The following STPG2 variants were observed in gnomAD, a reference collection of about 807,000 sequenced individuals.
The protein encoded by STPG2 is sperm tail PG-rich repeat containing 2.
In STPG2, 56 loss-of-function variants were observed where a neutral mutation model predicts 54.2. The observed-to-expected ratio is 1.03, with a 90% CI of 0.83 to 1.29. STPG2 has a LOEUF of 1.29. STPG2 is among the 50% of genes most tolerant of loss of function. STPG2 has a pLI of 0.00. For missense variants in STPG2, 596 were observed against 544.9 expected, an observed-to-expected ratio of 1.09 and a Z score of -0.93; for synonymous variants, 200 against 181.8, an observed-to-expected ratio of 1.10 and a Z score of -0.81.
At chr4:97,515,879 T>A (rs888586585) in intron 4 of STPG2, among the ~76,000 whole-genome samples, 1 of 152,108 alleles carries the variant, frequency 6.6e-6, no homozygotes, top group African/African-American at 2.4e-5. Flanking sequence ...GACACCTAAA[T>A]GTTATGTCGA....
intron 9 of STPG2, among the ~76,000 whole-genome samples, chr4:97,835,955 G>C (rs1055740007): frequency 6.6e-6 from 1 of 152,024 alleles, no homozygotes; most frequent in Non-Finnish European, 1.5e-5. Context: ...GATTAAACTT[G>C]AAAGGATGAG....
intron 8 of STPG2, among the ~76,000 whole-genome samples, chr4:97,841,870 A>C (rs1421576201): frequency 6.6e-6 from 1 of 151,848 alleles, no homozygotes; most frequent in Non-Finnish European, 1.5e-5. Flanking sequence ...AGTTAAAATG[A>C]GTAAAGTACT....
At chr4:97,731,569 G>T (rs533950324) in intron 9 of STPG2, among the ~76,000 whole-genome samples, 185 of 152,310 alleles carry the variant, frequency 1.2e-3, no homozygotes, top group African/African-American at 4.3e-3. Flanking sequence ...TGCCCCAGAA[G>T]CTGGCCTGAA....
intron 10 of STPG2, among the ~76,000 whole-genome samples, chr4:97,648,245 T>C (rs1280595451): frequency 1.3e-5 from 2 of 152,130 alleles, no homozygotes; most frequent in African/African-American, 2.4e-5. Context: ...CAGTCCTATC[T>C]AGATGAAGCA....
At chr4:97,948,163 T>C (rs1013258983) in intron 7 of STPG2, among the ~76,000 whole-genome samples, 2 of 152,126 alleles carry the variant, frequency 1.3e-5, no homozygotes, top group Non-Finnish European at 2.9e-5. Context: ...AATTTATCCA[T>C]TTCCTCTAGA....
intron 10 of STPG2, among the ~76,000 whole-genome samples, chr4:97,655,480 T>G (rs1722195667): frequency 6.6e-6 from 1 of 152,258 alleles, no homozygotes; most frequent in South Asian, 2.1e-4. Flanking sequence ...AAAGTAGAAC[T>G]TTTCACTTTG....
At chr4:97,886,211 T>A (rs1730563378) in intron 8 of STPG2, among the ~76,000 whole-genome samples, 1 of 152,156 alleles carries the variant, frequency 6.6e-6, no homozygotes, top group African/African-American at 2.4e-5. Flanking sequence ...TGTATTCTAG[T>A]AGAATTACTG....
chr4:97,536,951 C>T (rs1353165119), intron 4 of STPG2, among the ~76,000 whole-genome samples: 1 of 152,128 alleles, frequency 6.6e-6, no homozygotes, highest in Non-Finnish European at 1.5e-5. Context: ...CGGTTTCTAG[C>T]CTCTGTTTTC....
intron 7 of STPG2, among the ~76,000 whole-genome samples, chr4:97,965,590 C>T (rs72686458): frequency 0.014 from 2,123 of 152,318 alleles, 20 homozygotes; most frequent in Non-Finnish European, 0.02. Context: ...CTTCCCAGAA[C>T]GGGCTAACAG....
chr4:97,849,108 G>C (rs568943794), intron 8 of STPG2, among the ~76,000 whole-genome samples: 346 of 150,948 alleles, frequency 2.3e-3, no homozygotes, highest in Non-Finnish European at 3.9e-3. Context: ...CCATTTTCAC[G>C]ATATTGATTC....
At chr4:97,495,548 G>A (rs769665421) in intron 4 of STPG2, among the ~76,000 whole-genome samples, 37 of 150,666 alleles carry the variant, frequency 2.5e-4, no homozygotes, top group Non-Finnish European at 4.0e-4. Context: ...TATGCAGTTC[G>A]GTTTGAAAAA....
intron 4 of STPG2, among the ~76,000 whole-genome samples, chr4:97,478,557 AAATT>A (rs1222707695): frequency 6.6e-6 from 1 of 152,208 alleles, no homozygotes; most frequent in Non-Finnish European, 1.5e-5. Flanking sequence ...CCTGAATCTT[AAATT>A]ATTTCAACAT....
At chr4:97,922,516 C>A (rs1207545485) in intron 8 of STPG2, among the ~76,000 whole-genome samples, 1 of 152,058 alleles carries the variant, frequency 6.6e-6, no homozygotes, top group African/African-American at 2.4e-5. Flanking sequence ...TATCTTATTA[C>A]TAAGAAAAAA....
chr4:98,022,578 G>C (rs1345673396), intron 5 of STPG2, among the ~76,000 whole-genome samples: 2 of 151,828 alleles, frequency 1.3e-5, no homozygotes, highest in Non-Finnish European at 2.9e-5. Flanking sequence ...TTGCTAGATT[G>C]GGGAAGTTCT....
chr4:97,646,192 C>A (rs1206163970), intron 10 of STPG2, among the ~76,000 whole-genome samples: 2 of 152,234 alleles, frequency 1.3e-5, no homozygotes, highest in East Asian at 3.9e-4. Flanking sequence ...AGTTCTATGA[C>A]AAATAGCAAT....
intron 9 of STPG2, among the ~76,000 whole-genome samples, chr4:97,792,511 A>G (rs922344486): frequency 2.0e-5 from 3 of 152,168 alleles, no homozygotes; most frequent in African/African-American, 4.8e-5. Flanking sequence ...TTATGACAAT[A>G]GCCTATATTA....
intron 10 of STPG2, among the ~76,000 whole-genome samples, chr4:97,566,960 C>T (rs1163726194): frequency 6.6e-6 from 1 of 151,536 alleles, no homozygotes; most frequent in African/African-American, 2.4e-5. Flanking sequence ...CGCAGCACAC[C>T]AGCATGGTAC....
chr4:98,031,722 G>A (rs1318706530), intron 5 of STPG2, among the ~76,000 whole-genome samples: 4 of 151,968 alleles, frequency 2.6e-5, no homozygotes, highest in Non-Finnish European at 5.9e-5. Flanking sequence ...AAATAACTGG[G>A]ACTTGAACTA....
At chr4:97,694,697 C>G (rs1723504008) in intron 10 of STPG2, among the ~76,000 whole-genome samples, 2 of 150,736 alleles carry the variant, frequency 1.3e-5, no homozygotes, top group South Asian at 4.2e-4. Flanking sequence ...CCTGTAGTCC[C>G]AGCTACTCAG....
Sources: gnomAD v4.1 joint callset for allele counts (sites outside exome capture counted in the v4.1 genomes callset) on GRCh38, gnomAD v4.1.1 for gene constraint, MANE v1.5 for transcripts, NCBI Gene and HGNC (gene_info 2026-07-23, HGNC 2026-07-21) for gene names.